Variants in PALM observed in about 807,000 individuals in gnomAD.
PALM encodes the protein paralemmin-1.
A neutral mutation model predicts 30.7 loss-of-function variants in PALM; 18 were observed. The ratio of observed to expected loss-of-function variants is 0.59; its 90% confidence interval spans 0.41 to 0.87. PALM has a LOEUF of 0.87. PALM is among the 40% of genes least tolerant of loss of function. The pLI, the probability that PALM is intolerant of heterozygous loss-of-function variation, is 0.00. For missense variants in PALM, 529 were observed against 555.4 expected, an observed-to-expected ratio of 0.95 and a Z score of 0.48; for synonymous variants, 286 against 242.8, an observed-to-expected ratio of 1.18 and a Z score of -1.66.
At position 746,136 on chromosome 19, in the gene PALM, T is replaced by C. The variant is rs2033330081; in HGVS notation, c.635-149T>C. On this transcript the variant is annotated intron_variant, in intron 8 of 8. Coordinates refer to ENST00000338448, the MANE Select transcript of PALM (RefSeq NM_002579.3). This position sits in a 1 kb window ranked among gnomAD's most constrained non-coding sequence, Gnocchi z 7.1. ...ACAGGGGGCTTTAATTGTCTGTCAG[T>C]TCTGACGGTGTAATCTAGTTCGTGA... 1.6e-6 allele frequency: 1 copy of C among 629,474 alleles called. No individual in the cohort carries two copies. The highest frequency in any genetic ancestry group is 1.8e-5 in the African/African-American group (1 of 54,254). 39.0% of individuals were successfully genotyped at this position (629,474 alleles called of 1,614,324 possible).
At chr19:710,651 G>GCCCCC (rs763250940) in intron 1 of PALM, among the ~76,000 whole-genome samples, 4 of 114,162 alleles carry the variant, frequency 3.5e-5, no homozygotes, top group Non-Finnish European at 7.2e-5. Flanking sequence ...AGGAGCTGCT[G>GCCCCC]CCCCCCCCCC....
intron 1 of PALM, among the ~76,000 whole-genome samples, chr19:715,222 T>C (rs2032219759): frequency 6.6e-6 from 1 of 152,066 alleles, no homozygotes. Context: ...GAGCCGAGAT[T>C]GCACCACTGC....
intron 5 of PALM, among the ~76,000 whole-genome samples, chr19:733,042 T>C (rs1243499512): frequency 6.6e-6 from 1 of 152,090 alleles, no homozygotes; most frequent in African/African-American, 2.4e-5. Context: ...TTCTCCTGCC[T>C]TAGCCTCCTA....
chr19:741,629 G>A (rs996503048), intron 8 of PALM, among the ~76,000 whole-genome samples: 19 of 151,984 alleles, frequency 1.3e-4, no homozygotes, highest in Non-Finnish European at 2.2e-4. Flanking sequence ...GGAGGAGAAG[G>A]GTGCTTTGCC....
intron 1 of PALM, chr19:711,292 C>T (rs1404499966): frequency 1.9e-6 from 1 of 520,916 alleles, no homozygotes; most frequent in East Asian, 1.5e-4. Context: ...CTGCGTGACA[C>T]ATGGTCTGGC....
chr19:737,975 G>A (rs1413015546), intron 7 of PALM, among the ~76,000 whole-genome samples: 4 of 152,160 alleles, frequency 2.6e-5, no homozygotes. Flanking sequence ...CGTGGACGGT[G>A]CCAGGTGGAG....
At position 731,209 on chromosome 19, in the gene PALM, G is replaced by A. The variant is rs1568227969; in HGVS notation, c.384G>A (p.Glu128=). 1.9e-6 allele frequency: 3 copies of A among 1,611,578 alleles called. No individual in the cohort carries two copies. Among genetic ancestry groups the A allele is most frequent in the Middle Eastern group, 1.7e-4 (1 of 6,008 alleles). Residue 128 remains glutamate, a synonymous_variant, in exon 5 of 9, where the codon GAG becomes GAA. Coordinates refer to ENST00000338448, the MANE Select transcript of PALM (RefSeq NM_002579.3). ...CCCCAGCCCCGAGTCCAGCCAAGGA[G>A]GAGCGCAAGACAGAGGTGGTGATGA... ...VRAPAPSPAK[E]ERKTEVVMNS... is the part of the protein sequence containing the mutation.
At chr19:729,708 C>T in intron 4 of PALM, among the ~76,000 whole-genome samples, 1 of 151,982 alleles carries the variant, frequency 6.6e-6, no homozygotes, top group East Asian at 1.9e-4. Flanking sequence ...CTGATCCGCC[C>T]GCCTCTGCCT....
At chr19:729,458 CTTTTTTTTTTTTTT>C (rs34688325) in intron 4 of PALM, among the ~76,000 whole-genome samples, 1 of 72,686 alleles carries the variant, frequency 1.4e-5, no homozygotes, top group African/African-American at 4.9e-5. Context: ...CACGGTGCGT[CTTTTTTTTTTTTTT>C]TTTTTTTTTT....
intron 5 of PALM, 98 bp from the exon 6 acceptor site, chr19:734,075 C>A: frequency 1.9e-6 from 2 of 1,065,646 alleles, no homozygotes; most frequent in Non-Finnish European, 2.9e-6. Flanking sequence ...TGACGTCACC[C>A]ACTGTGCCAT....
chr19:739,899 C>T (rs934349620), intron 7 of PALM, among the ~76,000 whole-genome samples: 5 of 152,154 alleles, frequency 3.3e-5, no homozygotes, highest in Non-Finnish European at 4.4e-5. Flanking sequence ...TCGCTAGAAC[C>T]GGGAGGTGAG....
intron 1 of PALM, among the ~76,000 whole-genome samples, chr19:724,059 C>T (rs937958582): frequency 1.3e-5 from 2 of 152,246 alleles, no homozygotes; most frequent in Non-Finnish European, 2.9e-5. Context: ...GTGTGAACCA[C>T]GGGGCTGCAG....
At chr19:744,476 T>C (rs1363681651) in intron 8 of PALM, among the ~76,000 whole-genome samples, 1 of 150,796 alleles carries the variant, frequency 6.6e-6, no homozygotes, top group East Asian at 1.9e-4. Flanking sequence ...CAGAGGAAAA[T>C]GCATAGCCTT....
rs185316192 is a variant in PALM at position 730,874 on chromosome 19, G to A, written c.270-221G>A. On this transcript the variant is annotated intron_variant, in intron 4 of 8. Transcript: ENST00000338448. Reference sequence around the variant, plus strand: ...AAATTAGCTGGGTGTGGTGGTGCACGCCTGTAATCCCAGCTACTCGAGACC... The same window carrying A: ...AAATTAGCTGGGTGTGGTGGTGCACACCTGTAATCCCAGCTACTCGAGACC... 1.3e-3 allele frequency among the ~76,000 whole-genome samples: 195 copies of A among 152,172 alleles called. 1 individual carries two copies. The highest frequency in any genetic ancestry group is 4.5e-3 in the African/African-American group (185 of 41,516).
intron 1 of PALM, among the ~76,000 whole-genome samples, chr19:721,747 G>A (rs915857989): frequency 2.0e-5 from 3 of 151,582 alleles, no homozygotes; most frequent in Non-Finnish European, 4.4e-5. Flanking sequence ...ACAGGCATGT[G>A]CCACCATGCC....
At chr19:743,169 C>T (rs1764392632) in intron 8 of PALM, among the ~76,000 whole-genome samples, 1 of 152,168 alleles carries the variant, frequency 6.6e-6, no homozygotes, top group Admixed American at 6.6e-5. Flanking sequence ...CAGATGCTGT[C>T]AGAGGGGTCC....
Position 729,615 on chromosome 19 carries a change from G to A in PALM, c.270-1480G>A, listed in dbSNP as rs190471041. On this transcript the variant is annotated intron_variant, in intron 4 of 8. Coordinates refer to ENST00000338448, the MANE Select transcript of PALM (RefSeq NM_002579.3). Reference sequence around the variant, plus strand: ...TGAGTAGCTGGGATTACAGGTGCCCGCCACGCCTGGCTAATTTTGCATTTT... The same window carrying A: ...TGAGTAGCTGGGATTACAGGTGCCCACCACGCCTGGCTAATTTTGCATTTT... Among the ~76,000 whole-genome samples the A allele has an allele frequency of 2.3e-3, 354 of 151,478 alleles. 2 individuals carry two copies. The Middle Eastern group carries it at 0.024, about 10-fold the overall frequency.
At chr19:727,387 C>T (rs1328728594) in intron 3 of PALM, among the ~76,000 whole-genome samples, 177 bp from the exon 4 acceptor site, 4 of 151,628 alleles carry the variant, frequency 2.6e-5, no homozygotes, top group Admixed American at 2.6e-4. Flanking sequence ...CTGACCCAGA[C>T]CCTGACCCCC....
In PALM at chr19:746,226, C is replaced by G; in HGVS notation, c.635-59C>G. ...GGTTTCCCTCCTGCCTGAGCCAGGT[C>G]ACTCTCTCTGTCCCTCCTGCCTGGA... On this transcript the variant is annotated intron_variant, in intron 8 of 8. Transcript: ENST00000338448. The surrounding 1 kb of genome is among the most constrained non-coding windows in gnomAD (Gnocchi z 7.1). The G allele has an allele frequency of 7.1e-7, 1 of 1,408,244 alleles. No homozygotes were observed. The highest frequency in any genetic ancestry group is 1.2e-5 in the South Asian group (1 of 84,212). 87.2% of individuals were successfully genotyped at this position (1,408,244 alleles called of 1,614,324 possible).
Sources: gnomAD v4.1 joint callset for allele counts (sites outside exome capture counted in the v4.1 genomes callset) on GRCh38, gnomAD v4.1.1 for gene constraint, Gnocchi (gnomAD v3.1) non-coding constraint, MANE v1.5 for transcripts, NCBI Gene and HGNC (gene_info 2026-07-23, HGNC 2026-07-21) for gene names.